The following NOL4 variants were observed in gnomAD, a reference collection of about 807,000 sequenced individuals.
The protein encoded by NOL4 is cancer/testis antigen 125.
NOL4 carries 17 observed loss-of-function variants against 75.9 expected under a neutral mutation model. That is an observed-to-expected ratio of 0.22 (90% CI 0.15 to 0.34). The LOEUF (loss-of-function observed/expected upper bound fraction) is 0.34, where lower values mean the gene tolerates loss of function less well. NOL4 is among the 10% of genes least tolerant of loss of function. The pLI, the probability that NOL4 is intolerant of heterozygous loss-of-function variation, is 1.00. For synonymous variants in NOL4, 292 were observed against 289.9 expected (o/e 1.01, Z -0.07); for missense variants, 614 against 793.5 (o/e 0.77, Z 2.72).
intron 1 of NOL4, among the ~76,000 whole-genome samples, chr18:34,189,185 C>G (rs2034725687): frequency 6.6e-6 from 1 of 152,050 alleles, no homozygotes; most frequent in South Asian, 2.1e-4. Flanking sequence ...CATAACATGG[C>G]ACAAAAGTGG....
intron 5 of NOL4, among the ~76,000 whole-genome samples, chr18:34,048,952 T>C (rs553211863): frequency 1.3e-5 from 2 of 152,176 alleles, no homozygotes; most frequent in Admixed American, 1.3e-4. Flanking sequence ...TTTTGCTTAC[T>C]TTTAGATTTT....
intron 1 of NOL4, among the ~76,000 whole-genome samples, chr18:34,157,763 G>A (rs780991443): frequency 4.6e-5 from 7 of 152,236 alleles, no homozygotes; most frequent in Middle Eastern, 3.4e-3. Flanking sequence ...GATCAAGAGC[G>A]TCAAATTCTT....
At chr18:34,007,163 T>C (rs2074081180) in intron 6 of NOL4, among the ~76,000 whole-genome samples, 1 of 151,826 alleles carries the variant, frequency 6.6e-6, no homozygotes, top group Non-Finnish European at 1.5e-5. Context: ...ATCAATAGGA[T>C]AAGAAGGGAG....
At chr18:33,898,362 C>A (rs1166148972) in intron 9 of NOL4, among the ~76,000 whole-genome samples, 1 of 152,078 alleles carries the variant, frequency 6.6e-6, no homozygotes, top group Non-Finnish European at 1.5e-5. Flanking sequence ...AAATTCTTAC[C>A]CCTAGTCTCA....
At chr18:34,202,628 C>T (rs917693869) in intron 1 of NOL4, among the ~76,000 whole-genome samples, 1 of 151,896 alleles carries the variant, frequency 6.6e-6, no homozygotes, top group Non-Finnish European at 1.5e-5. Context: ...ACTCAGTAAA[C>T]ATCCATAAAT....
chr18:34,135,987 C>T (rs2080875064), intron 1 of NOL4, among the ~76,000 whole-genome samples: 2 of 151,790 alleles, frequency 1.3e-5, no homozygotes, highest in Admixed American at 1.3e-4. Flanking sequence ...TTATTATATA[C>T]CACAGTCAAG....
At position 34,043,036 on chromosome 18, in the gene NOL4, T is replaced by C. The variant is rs530670326; in HGVS notation, c.773-23435A>G. Among the ~76,000 whole-genome samples the C allele has an allele frequency of 2.0e-5, 3 of 152,200 alleles. No individual in the cohort carries two copies. In the South Asian group the frequency reaches 6.2e-4, roughly 32 times the overall value. ...GCTGTAGGATTTACATTACAGTACATGTGTTACAAATAAATGAGTTCATGT... is the reference window on the plus strand; with the variant it reads ...GCTGTAGGATTTACATTACAGTACACGTGTTACAAATAAATGAGTTCATGT... On this transcript the variant is annotated intron_variant, in intron 5 of 10. Transcript: ENST00000261592.
chr18:34,097,236 G>A (rs918900427), intron 4 of NOL4, among the ~76,000 whole-genome samples: 1 of 152,076 alleles, frequency 6.6e-6, no homozygotes, highest in African/African-American at 2.4e-5. Flanking sequence ...CCATAAGACT[G>A]CTTAAAAACC....
intron 6 of NOL4, among the ~76,000 whole-genome samples, chr18:33,965,336 C>G (rs1207921083): frequency 6.6e-6 from 1 of 151,956 alleles, no homozygotes; most frequent in Non-Finnish European, 1.5e-5. Flanking sequence ...CAACCAAAAA[C>G]CAAAAACAAT....
intron 5 of NOL4, among the ~76,000 whole-genome samples, chr18:34,088,713 G>A (rs554669797): frequency 6.6e-5 from 10 of 151,998 alleles, no homozygotes; most frequent in African/African-American, 2.4e-4. Context: ...TTTTAAGTCT[G>A]TAAAAAAAAA....
chr18:33,927,342 C>T (rs565328012), intron 9 of NOL4, among the ~76,000 whole-genome samples: 1 of 152,234 alleles, frequency 6.6e-6, no homozygotes, highest in Non-Finnish European at 1.5e-5. Context: ...GGTTTTGGTC[C>T]ATATTCCTAT....
intron 9 of NOL4, among the ~76,000 whole-genome samples, chr18:33,913,959 G>A (rs921877370): frequency 6.6e-6 from 1 of 151,948 alleles, no homozygotes; most frequent in Non-Finnish European, 1.5e-5. Context: ...TGCCCACTGT[G>A]TGCTTGGTAA....
chr18:33,871,147 C>T (rs2063680951), intron 10 of NOL4, among the ~76,000 whole-genome samples: 1 of 151,994 alleles, frequency 6.6e-6, no homozygotes. Flanking sequence ...TAACTTGTGC[C>T]TTGAAATCAC....
rs1222530716 is a variant in NOL4, at chr18:34,223,946, ATTT to A, written c.-696_-694del. On this transcript the variant is annotated 5_prime_UTR_variant, in exon 1 of 11. Coordinates refer to ENST00000261592, the MANE Select transcript of NOL4 (RefSeq NM_003787.5). ...AACCTATCAAATTCTGTTTTACAGA[ATTT>A]TTTATCAAGATATTTTTTAAAACGG... The A allele has an allele frequency of 1.3e-5, 2 of 152,280 alleles. No homozygotes were observed. The highest frequency in any genetic ancestry group is 2.9e-5 in the Non-Finnish European group (2 of 68,054). The allele number at this position is 152,280 out of a possible 1,614,324, so 9.4% of individuals were successfully genotyped here. A position where few individuals can be genotyped will look rare whatever the true frequency, so the allele number is the denominator to read the frequency against.
At chr18:34,027,061 CAT>C (rs1210188413) in intron 5 of NOL4, among the ~76,000 whole-genome samples, 3 of 152,192 alleles carry the variant, frequency 2.0e-5, no homozygotes, top group Admixed American at 6.5e-5. Flanking sequence ...CACTTAATGA[CAT>C]GTGTCGCATT....
chr18:34,095,093 G>A (rs1163297830), intron 4 of NOL4, among the ~76,000 whole-genome samples: 1 of 152,066 alleles, frequency 6.6e-6, no homozygotes, highest in East Asian at 1.9e-4. Context: ...CAAAGACTGG[G>A]TCATGCTTGG....
At chr18:33,935,258 C>T (rs910701627) in intron 9 of NOL4, among the ~76,000 whole-genome samples, 8 of 152,082 alleles carry the variant, frequency 5.3e-5, no homozygotes, top group East Asian at 3.9e-4. Context: ...AGGCCCATCT[C>T]GGCTTTTCAA....
intron 9 of NOL4, among the ~76,000 whole-genome samples, chr18:33,897,545 T>C (rs1342215796): frequency 3.3e-5 from 5 of 152,112 alleles, no homozygotes; most frequent in African/African-American, 1.2e-4. Flanking sequence ...TTCTCACTTA[T>C]AAGCAGGAAT....
chr18:33,973,154 T>C (rs2145895490), intron 6 of NOL4, among the ~76,000 whole-genome samples: 1 of 152,356 alleles, frequency 6.6e-6, no homozygotes, highest in South Asian at 2.1e-4. Context: ...CTAAATCTTT[T>C]TGTTTGTTTA....
Sources: gnomAD v4.1 joint callset for allele counts (sites outside exome capture counted in the v4.1 genomes callset) on GRCh38, gnomAD v4.1.1 for gene constraint, MANE v1.5 for transcripts, NCBI Gene and HGNC (gene_info 2026-07-23, HGNC 2026-07-21) for gene names.